The following TENM2 variants were observed in gnomAD, a reference collection of about 807,000 sequenced individuals.
TENM2 encodes the protein teneurin transmembrane protein 2.
A neutral mutation model predicts 245.2 loss-of-function variants in TENM2; 52 were observed. The ratio of observed to expected loss-of-function variants is 0.21; its 90% CI spans 0.17 to 0.27. TENM2 has a LOEUF of 0.27. Ranked by LOEUF, TENM2 falls within the 10% of genes least tolerant of loss-of-function variation. The pLI is 1.00. For missense variants in TENM2, 3,046 were observed against 3,666.8 expected, an observed-to-expected ratio of 0.83 and a Z score of 4.37; for synonymous variants, 1,363 against 1,438.9, an observed-to-expected ratio of 0.95 and a Z score of 1.19.
intron 2 of TENM2, among the ~76,000 whole-genome samples, chr5:167,655,374 A>G (rs769804921): frequency 2.0e-5 from 3 of 152,182 alleles, no homozygotes; most frequent in Admixed American, 6.5e-5. Flanking sequence ...TCCTAGGACA[A>G]TAGGTTCATT....
intron 2 of TENM2, among the ~76,000 whole-genome samples, chr5:167,525,210 C>T (rs7715770): frequency 0.028 from 4,223 of 152,034 alleles, 123 homozygotes; most frequent in African/African-American, 0.073. Context: ...CTGTGTAAGC[C>T]GATTGCTTAG....
chr5:168,240,063 T>C (rs1765947527), intron 25 of TENM2, among the ~76,000 whole-genome samples: 3 of 151,878 alleles, frequency 2.0e-5, no homozygotes, highest in African/African-American at 7.3e-5. Context: ...ACTAAAAAAA[T>C]GTAAAAATTA....
chr5:167,816,540 A>G (rs1767070267), intron 2 of TENM2, among the ~76,000 whole-genome samples: 2 of 152,214 alleles, frequency 1.3e-5, no homozygotes, highest in African/African-American at 4.8e-5. Context: ...CAGGAAGTGG[A>G]TGCCTCAGGC....
chr5:167,945,646 C>A (rs1382123437), intron 3 of TENM2, among the ~76,000 whole-genome samples: 1 of 152,110 alleles, frequency 6.6e-6, no homozygotes, highest in African/African-American at 2.4e-5. Flanking sequence ...ACTGTAATTC[C>A]CGTGTTCCGC....
intron 5 of TENM2, among the ~76,000 whole-genome samples, chr5:168,010,484 C>A (rs1260951000): frequency 1.3e-5 from 2 of 152,182 alleles, no homozygotes; most frequent in African/African-American, 4.8e-5. Flanking sequence ...TATTTTCATG[C>A]AGAGCAGCCT....
At chr5:167,011,757 G>A in the TENM2 span, among the ~76,000 whole-genome samples, 1 of 152,160 alleles carries the variant, frequency 6.6e-6, no homozygotes, top group Non-Finnish European at 1.5e-5. Flanking sequence ...TTTCTTTGAT[G>A]AACTCATTTG....
the TENM2 span, among the ~76,000 whole-genome samples, chr5:167,187,896 G>A: frequency 3.9e-5 from 6 of 152,002 alleles, no homozygotes; most frequent in South Asian, 1.0e-3. Context: ...AAAACACCCC[G>A]AGCCATAACT....
At chr5:167,656,548 A>T (rs1754853384) in intron 2 of TENM2, among the ~76,000 whole-genome samples, 1 of 152,162 alleles carries the variant, frequency 6.6e-6, no homozygotes, top group Non-Finnish European at 1.5e-5. Flanking sequence ...GAAAGTAAAC[A>T]TCATGGGAAG....
intron 2 of TENM2, among the ~76,000 whole-genome samples, chr5:167,487,277 G>A (rs1235422726): frequency 6.6e-6 from 1 of 152,096 alleles, no homozygotes; most frequent in African/African-American, 2.4e-5. Flanking sequence ...AATTATCTGT[G>A]GGAAGAGGAA....
upstream of TENM2, among the ~76,000 whole-genome samples, chr5:167,283,975 G>A (rs1349724605): frequency 6.6e-6 from 1 of 150,458 alleles, no homozygotes; most frequent in African/African-American, 2.4e-5. Context: ...TTTTTTTTTC[G>A]GTTCTATAGT....
chr5:168,101,171 G>GA (rs1793786717), intron 9 of TENM2, among the ~76,000 whole-genome samples: 1 of 152,156 alleles, frequency 6.6e-6, no homozygotes, highest in Admixed American at 6.5e-5. Context: ...TTAAAGGAAG[G>GA]AAAATCTCAG....
chr5:167,588,006 C>CAAAG (rs1235512273), intron 2 of TENM2, among the ~76,000 whole-genome samples: 5 of 152,148 alleles, frequency 3.3e-5, no homozygotes, highest in African/African-American at 1.2e-4. Context: ...TGCTGAGATC[C>CAAAG]AAAGAGGCAA....
intron 1 of TENM2, among the ~76,000 whole-genome samples, chr5:167,351,853 CAAAA>C (rs71591177): frequency 1.3e-5 from 2 of 148,772 alleles, no homozygotes; most frequent in African/African-American, 5.0e-5. Flanking sequence ...AACAAAAAAA[CAAAA>C]AAAAAAATAA....
At chr5:167,825,644 C>A (rs575331767) in intron 2 of TENM2, among the ~76,000 whole-genome samples, 4 of 152,134 alleles carry the variant, frequency 2.6e-5, no homozygotes, top group African/African-American at 4.8e-5. Context: ...TGCGATCCCA[C>A]GGGCTCTGCA....
intron 13 of TENM2, among the ~76,000 whole-genome samples, chr5:168,163,078 G>C (rs1041494830): frequency 6.6e-6 from 1 of 152,222 alleles, no homozygotes; most frequent in Non-Finnish European, 1.5e-5. Context: ...ATAACAGTCG[G>C]TGACAATGAG....
At chr5:168,220,664 A>G (rs566208855) in intron 23 of TENM2, among the ~76,000 whole-genome samples, 1 of 152,258 alleles carries the variant, frequency 6.6e-6, no homozygotes, top group African/African-American at 2.4e-5. Flanking sequence ...GCACATGATC[A>G]GCCAATTGGA....
At chr5:167,772,931 C>T (rs534051126) in intron 2 of TENM2, among the ~76,000 whole-genome samples, 1 of 152,014 alleles carries the variant, frequency 6.6e-6, no homozygotes, top group Non-Finnish European at 1.5e-5. Flanking sequence ...GTACTTGTAC[C>T]CTCCAGAAAT....
chr5:167,797,031 A>T (rs1020913269), intron 2 of TENM2, among the ~76,000 whole-genome samples: 1 of 152,072 alleles, frequency 6.6e-6, no homozygotes, highest in African/African-American at 2.4e-5. Context: ...GTTTGTTACA[A>T]TCCCCTCTTG....
intron 3 of TENM2, among the ~76,000 whole-genome samples, chr5:167,926,453 C>T (rs1179676714): frequency 6.6e-6 from 1 of 152,152 alleles, no homozygotes; most frequent in Admixed American, 6.5e-5. Context: ...GGCAAGGTGG[C>T]TCATGCCTGT....
Sources: allele counts gnomAD v4.1 joint callset (sites outside exome capture counted in the v4.1 genomes callset), GRCh38; gene constraint gnomAD v4.1.1; transcripts MANE v1.5; gene names NCBI Gene and HGNC (gene_info 2026-07-23, HGNC 2026-07-21).